RBFOX1: variants seen among roughly 807,000 people sequenced by gnomAD.
RBFOX1 encodes RNA binding protein fox-1 homolog 1.
Under a neutral mutation model 57.7 loss-of-function variants are expected in RBFOX1, and 8 were observed. The observed-to-expected ratio is 0.14, with a 90% confidence interval of 0.08 to 0.25. The LOEUF is 0.25. RBFOX1 is among the 10% of genes least tolerant of loss of function. The pLI is 1.00. For missense variants in RBFOX1, 611 were observed against 548.5 expected, an observed-to-expected ratio of 1.11 and a Z score of -1.14; for synonymous variants, 326 against 222.4, an observed-to-expected ratio of 1.47 and a Z score of -4.15.
At chr16:7,392,304 C>G (rs2098044321) in intron 4 of RBFOX1, among the ~76,000 whole-genome samples, 1 of 152,154 alleles carries the variant, frequency 6.6e-6, no homozygotes, top group Admixed American at 6.5e-5. Context: ...TTGCATTTCC[C>G]TCCAGATCAC....
At chr16:7,402,470 G>C (rs1219204029) in intron 4 of RBFOX1, among the ~76,000 whole-genome samples, 1 of 152,160 alleles carries the variant, frequency 6.6e-6, no homozygotes, top group Non-Finnish European at 1.5e-5. Flanking sequence ...TTGCATTTGA[G>C]AATTTCTGCC....
intron 3 of RBFOX1, among the ~76,000 whole-genome samples, chr16:6,996,958 A>T (rs748129444): frequency 6.6e-6 from 1 of 152,146 alleles, no homozygotes; most frequent in African/African-American, 2.4e-5. Flanking sequence ...AATTATCAAG[A>T]AAGTTTATAG....
intron 2 of RBFOX1, among the ~76,000 whole-genome samples, chr16:5,582,547 CTTTTTTTTTT>C (rs57853959): frequency 2.4e-4 from 22 of 92,860 alleles, no homozygotes; most frequent in East Asian, 1.1e-3. Flanking sequence ...AAGCACGTCA[CTTTTTTTTTT>C]TTTTTTTTTT....
At chr16:7,317,823 G>A (rs969833672) in intron 4 of RBFOX1, among the ~76,000 whole-genome samples, 5 of 152,182 alleles carry the variant, frequency 3.3e-5, no homozygotes, top group African/African-American at 7.2e-5. Flanking sequence ...CTACATTTAC[G>A]AAGTAGAGGT....
chr16:6,612,475 G>T (rs953225360), intron 2 of RBFOX1, among the ~76,000 whole-genome samples: 1 of 152,170 alleles, frequency 6.6e-6, no homozygotes, highest in African/African-American at 2.4e-5. Context: ...TGTACTTACA[G>T]CACAAACTAC....
At chr16:6,731,054 A>T (rs776435959) in intron 3 of RBFOX1, among the ~76,000 whole-genome samples, 4 of 152,194 alleles carry the variant, frequency 2.6e-5, no homozygotes, top group Non-Finnish European at 5.9e-5. Flanking sequence ...AAGCCAGATT[A>T]TAAATTCCTA....
intron 1 of RBFOX1, among the ~76,000 whole-genome samples, chr16:6,300,653 G>A (rs372679574): frequency 1.2e-4 from 18 of 152,200 alleles, no homozygotes; most frequent in East Asian, 3.9e-4. Context: ...TTCTGGCTCC[G>A]GAAAACTATT....
At chr16:5,712,861 T>C (rs1188883381) in intron 3 of RBFOX1, among the ~76,000 whole-genome samples, 1 of 152,162 alleles carries the variant, frequency 6.6e-6, no homozygotes, top group Non-Finnish European at 1.5e-5. Flanking sequence ...CCACCCCCAC[T>C]CCATTTCTGT....
rs75141228 is a variant in RBFOX1 at position 5,452,491 on chromosome 16, G to A, written c.220-14725G>A. ...CACTTCTTAAACATTTCTTGAGACT[G>A]CTTTCTCCTTTCATTCCCACTGCCT... On this transcript the variant is annotated intron_variant, in intron 1 of 2. Coordinates refer to the RBFOX1 transcript ENST00000585867. Among the ~76,000 whole-genome samples, 199 of 152,068 alleles carry A rather than the reference G, an allele frequency of 1.3e-3. 4 individuals carry two copies. The East Asian group carries it at 0.035, about 27-fold the overall frequency.
chr16:6,927,491 CTCTT>C (rs1386220584), intron 3 of RBFOX1, among the ~76,000 whole-genome samples: 1 of 145,950 alleles, frequency 6.9e-6, no homozygotes, highest in African/African-American at 2.5e-5. Flanking sequence ...AATGTTTCCT[CTCTT>C]TCTTTCCACA....
chr16:6,886,933 A>G (rs2064187153), intron 3 of RBFOX1, among the ~76,000 whole-genome samples: 1 of 152,104 alleles, frequency 6.6e-6, no homozygotes, highest in Non-Finnish European at 1.5e-5. Context: ...TGGAAGCAAA[A>G]CCGTGTCTTT....
intron 4 of RBFOX1, among the ~76,000 whole-genome samples, chr16:7,496,025 A>T (rs1215300710): frequency 1.3e-5 from 2 of 152,210 alleles, no homozygotes; most frequent in Admixed American, 1.3e-4. Flanking sequence ...TTCCAGAGAG[A>T]TCCTACAGAA....
intron 2 of RBFOX1, among the ~76,000 whole-genome samples, chr16:6,481,261 C>T (rs555713355): frequency 6.6e-6 from 1 of 152,192 alleles, no homozygotes; most frequent in Non-Finnish European, 1.5e-5. Context: ...GTAGTTACAG[C>T]TGTAAATGTG....
intron 4 of RBFOX1, among the ~76,000 whole-genome samples, chr16:5,959,208 C>G (rs2059703179): frequency 6.6e-6 from 1 of 152,180 alleles, no homozygotes; most frequent in Non-Finnish European, 1.5e-5. Flanking sequence ...CTTTCTATTG[C>G]TCACTTGAGT....
intron 2 of RBFOX1, among the ~76,000 whole-genome samples, chr16:6,578,012 A>G (rs2097468531): frequency 6.6e-6 from 1 of 152,244 alleles, no homozygotes; most frequent in African/African-American, 2.4e-5. Context: ...GTGTCACCCA[A>G]CAGTGCTTAT....
intron 4 of RBFOX1, among the ~76,000 whole-genome samples, chr16:7,088,216 G>C (rs754881077): frequency 1.8e-4 from 28 of 152,174 alleles, no homozygotes; most frequent in Admixed American, 8.5e-4. Flanking sequence ...AAGGTCTAGG[G>C]AAGTCGGGTT....
At chr16:6,986,590 C>G (rs1037420189) in intron 3 of RBFOX1, among the ~76,000 whole-genome samples, 1 of 152,108 alleles carries the variant, frequency 6.6e-6, no homozygotes, top group Non-Finnish European at 1.5e-5. Flanking sequence ...CTGGGCCTGG[C>G]CCAGAATCAC....
At chr16:5,951,397 G>A (rs762174670) in intron 4 of RBFOX1, among the ~76,000 whole-genome samples, 11 of 152,198 alleles carry the variant, frequency 7.2e-5, no homozygotes, top group East Asian at 5.8e-4. Flanking sequence ...GCACAGAGTC[G>A]AGATGGCACC....
intron 4 of RBFOX1, among the ~76,000 whole-genome samples, chr16:7,378,445 G>A (rs1487897665): frequency 1.3e-5 from 2 of 152,110 alleles, no homozygotes; most frequent in East Asian, 1.9e-4. Flanking sequence ...CCATTTCATC[G>A]CAGAACTGCT....
Sources: allele counts gnomAD v4.1 joint callset (sites outside exome capture counted in the v4.1 genomes callset), GRCh38; gene constraint gnomAD v4.1.1; transcripts MANE v1.5; gene names NCBI Gene and HGNC (gene_info 2026-07-23, HGNC 2026-07-21).